NIPA1: variants seen among roughly 807,000 people sequenced by gnomAD.
The protein encoded by NIPA1 is magnesium transporter NIPA1.
Under a neutral mutation model 23.9 loss-of-function variants are expected in NIPA1, and 13 were observed. That is an observed-to-expected ratio of 0.54 (90% confidence interval 0.35 to 0.87). The LOEUF (loss-of-function observed/expected upper bound fraction) is 0.87. Ranked by LOEUF, NIPA1 falls within the 40% of genes least tolerant of loss-of-function variation. The pLI is 0.01. For synonymous variants in NIPA1, 234 were observed against 202.9 expected (o/e 1.15, Z -1.30); for missense variants, 362 against 429.7 (o/e 0.84, Z 1.39).
chr15:22,797,988 G>C (rs1294872186), intron 1 of NIPA1, among the ~76,000 whole-genome samples: 1 of 151,610 alleles, frequency 6.6e-6, no homozygotes, highest in East Asian at 2.0e-4. Flanking sequence ...GGGACCACAG[G>C]CACCTGCCAC....
At chr15:22,797,927 C>T (rs1438391815) in intron 1 of NIPA1, among the ~76,000 whole-genome samples, 1 of 150,886 alleles carries the variant, frequency 6.6e-6, no homozygotes, top group Non-Finnish European at 1.5e-5. Context: ...TCACTGCAAG[C>T]TCCGCCTCCT....
intron 1 of NIPA1, among the ~76,000 whole-genome samples, chr15:22,800,950 A>C (rs1895064586): frequency 6.6e-6 from 1 of 151,708 alleles, no homozygotes; most frequent in East Asian, 1.9e-4. Context: ...AAAAGAAAAA[A>C]AAAAAATTAG....
At chr15:22,789,829 C>G (rs1894791890) in intron 1 of NIPA1, among the ~76,000 whole-genome samples, 1 of 151,986 alleles carries the variant, frequency 6.6e-6, no homozygotes, top group Non-Finnish European at 1.5e-5. Flanking sequence ...GAGTCTAGCT[C>G]TGTCACCCAG....
chr15:22,821,629 C>G (rs199647407), intron 4 of NIPA1, among the ~76,000 whole-genome samples: 1 of 112,112 alleles, frequency 8.9e-6, no homozygotes, highest in South Asian at 3.0e-4. Context: ...ATGTCCACAC[C>G]CTGGTTTGCA....
At position 22,793,404 on chromosome 15, in the gene NIPA1, T is replaced by C. The variant is rs1894874236; in HGVS notation, c.178+6570T>C. ...GAGAATACATGGTATTGTTGCTAAGTATAGTCATTCTGCCCTGCTGTCAAA... is the reference window on the plus strand; with the variant it reads ...GAGAATACATGGTATTGTTGCTAAGCATAGTCATTCTGCCCTGCTGTCAAA... On this transcript the variant is annotated intron_variant, in intron 1 of 4. Transcript: ENST00000337435. Among the ~76,000 whole-genome samples, 3 of 148,862 alleles carry C rather than the reference T, an allele frequency of 2.0e-5. No individual in the cohort carries two copies. In the South Asian group the frequency reaches 6.4e-4, roughly 32 times the overall value.
chr15:22,793,395 G>A (rs1265030237), intron 1 of NIPA1, among the ~76,000 whole-genome samples: 3 of 145,346 alleles, frequency 2.1e-5, no homozygotes, highest in African/African-American at 7.6e-5. Flanking sequence ...ACATGGTATT[G>A]TTGCTAAGTA....
At chr15:22,798,238 CTTT>C (rs10582336) in intron 1 of NIPA1, among the ~76,000 whole-genome samples, 38,759 of 124,872 alleles carry the variant, frequency 0.31, 5,342 homozygotes, top group African/African-American at 0.39. Flanking sequence ...TGCTAAAAAT[CTTT>C]TTTTTTTTTT....
intron 1 of NIPA1, among the ~76,000 whole-genome samples, chr15:22,793,357 CAAAAAAAAA>C (rs1163603849): frequency 1.8e-4 from 13 of 73,100 alleles, no homozygotes; most frequent in Non-Finnish European, 2.8e-4. Flanking sequence ...GACTGTGTCT[CAAAAAAAAA>C]AAAAAAAAAA....
Position 22,824,312 on chromosome 15 carries a change from T to TA in NIPA1, c.*74dup. 8.1e-7 allele frequency: 1 copy of TA among 1,241,932 alleles called. No individual in the cohort carries two copies. The highest frequency in any genetic ancestry group is 1.2e-6 in the Non-Finnish European group (1 of 842,364). 76.9% of individuals were successfully genotyped at this position (1,241,932 alleles called of 1,614,324 possible). Reference sequence around the variant, plus strand: ...TTTCTGGCCGTGATTGGATGTGAAGTAGAAGAGGTCCTCGATCATGGTGTT... The same window carrying TA: ...TTTCTGGCCGTGATTGGATGTGAAGTAAGAAGAGGTCCTCGATCATGGTGTT... On this transcript the variant is annotated 3_prime_UTR_variant, in exon 5 of 5. Transcript: ENST00000337435. This position sits in a 1 kb window ranked among gnomAD's most constrained non-coding sequence, Gnocchi z 4.1.
At chr15:22,797,072 C>T (rs182613930) in intron 1 of NIPA1, among the ~76,000 whole-genome samples, 1 of 151,096 alleles carries the variant, frequency 6.6e-6, no homozygotes, top group East Asian at 1.9e-4. Flanking sequence ...TAAAGTCTCG[C>T]TCTGTCACCC....
In NIPA1 at chr15:22,829,214, T is replaced by C. The variant is rs956171617; in HGVS notation, c.*4975T>C. 4 of 152,164 alleles carry C rather than the reference T, an allele frequency of 2.6e-5. No homozygotes were observed. The highest frequency in any genetic ancestry group is 6.6e-5 in the Admixed American group (1 of 15,266). The allele number at this position is 152,164 out of a possible 1,614,324, so 9.4% of individuals were successfully genotyped here. A position where few individuals can be genotyped will look rare whatever the true frequency, so the allele number is the denominator to read the frequency against. The stretch of plus-strand genomic sequence containing the variant: ...CCTGACATTCGGCCGAGGTCTGTAT[T>C]CTGAAAAAGATTTAATGGCCTGTGA... On this transcript the variant is annotated 3_prime_UTR_variant, in exon 5 of 5. Transcript: ENST00000337435.
intron 3 of NIPA1, among the ~76,000 whole-genome samples, chr15:22,816,503 T>TTC (rs1293725873): frequency 8.1e-6 from 1 of 123,664 alleles, no homozygotes; most frequent in Non-Finnish European, 1.7e-5. Context: ...TTTTTTTTTT[T>TTC]TTTTTTCAGA....
rs898472239 is a variant in NIPA1, at chr15:22,804,378, C to T, written c.179-6371C>T. Among the ~76,000 whole-genome samples the T allele has an allele frequency of 2.0e-5, 3 of 152,130 alleles. No homozygotes were observed. The East Asian group carries it at 5.8e-4, about 29-fold the overall frequency. On this transcript the variant is annotated intron_variant, in intron 1 of 4. Transcript: ENST00000337435. ...CCTCGTGATCCACCCGCCCCGGCCT[C>T]CTAAAGTGCTAGGATTACAGTCATG...
intron 1 of NIPA1, among the ~76,000 whole-genome samples, chr15:22,793,814 A>G (rs1030848556): frequency 4.6e-5 from 7 of 152,128 alleles, no homozygotes; most frequent in African/African-American, 1.7e-4. Flanking sequence ...AGCTACATTT[A>G]TTGAAAAGTA....
intron 1 of NIPA1, among the ~76,000 whole-genome samples, chr15:22,804,500 C>A (rs1245816772): frequency 6.6e-6 from 1 of 152,062 alleles, no homozygotes; most frequent in Non-Finnish European, 1.5e-5. Flanking sequence ...CTGGTCGGTG[C>A]TTTTGATTTC....
At chr15:22,797,259 G>C (rs974932781) in intron 1 of NIPA1, among the ~76,000 whole-genome samples, 4 of 151,708 alleles carry the variant, frequency 2.6e-5, no homozygotes, top group African/African-American at 9.7e-5. Flanking sequence ...GCCCAGGCTG[G>C]AGTGCAGTGG....
intron 3 of NIPA1, among the ~76,000 whole-genome samples, chr15:22,819,772 A>T (rs1230610468): frequency 6.6e-6 from 1 of 152,226 alleles, no homozygotes; most frequent in Non-Finnish European, 1.5e-5. Context: ...GAAAGGAAGC[A>T]TTACTTTTAT....
rs113532349 is a variant in NIPA1, at chr15:22,826,077, GAAA to G, written c.*1844_*1846del. 6.6e-6 allele frequency: 1 copy of G among 151,656 alleles called. No homozygotes were observed. 9.4% of individuals were successfully genotyped at this position (151,656 alleles called of 1,614,324 possible). A position where few individuals can be genotyped will look rare whatever the true frequency, so the allele number is the denominator to read the frequency against. On this transcript the variant is annotated 3_prime_UTR_variant, in exon 5 of 5. Coordinates refer to ENST00000337435, the MANE Select transcript of NIPA1 (RefSeq NM_144599.5). ...GTACCCAATTAAAGTTCCTCAGTAA[GAAA>G]AAAAATGTGTTTTTGTAGGCAAAAA...
At position 22,827,349 on chromosome 15, in the gene NIPA1, C is replaced by G. The variant is rs568699524; in HGVS notation, c.*3110C>G. Reference sequence around the variant, plus strand: ...ACCCTAACCCAGCACCACAAAGCCCCCCTGGAGCATCTTCCCGGCTGGCAG... The same window carrying G: ...ACCCTAACCCAGCACCACAAAGCCCGCCTGGAGCATCTTCCCGGCTGGCAG... On this transcript the variant is annotated 3_prime_UTR_variant, in exon 5 of 5. Transcript: ENST00000337435. The G allele has an allele frequency of 6.6e-6, 1 of 152,158 alleles. No homozygotes were observed. The highest frequency in any genetic ancestry group is 2.4e-5 in the African/African-American group (1 of 41,424). The allele number at this position is 152,158 out of a possible 1,614,324, so 9.4% of individuals were successfully genotyped here.
Sources: gnomAD v4.1 joint callset for allele counts (sites outside exome capture counted in the v4.1 genomes callset) on GRCh38, gnomAD v4.1.1 for gene constraint, Gnocchi (gnomAD v3.1) non-coding constraint, MANE v1.5 for transcripts, NCBI Gene and HGNC (gene_info 2026-07-23, HGNC 2026-07-21) for gene names.